The following RASGRP1 variants were observed in gnomAD, a reference collection of about 807,000 sequenced individuals.
The protein encoded by RASGRP1 is RAS guanyl-releasing protein 1.
In RASGRP1, 37 loss-of-function variants were observed where a neutral mutation model predicts 95.1. That is an observed-to-expected ratio of 0.39 (90% CI 0.30 to 0.51). RASGRP1 has a LOEUF of 0.51. Among genes scored for constraint, RASGRP1 ranks in the 20% least tolerant of loss-of-function variants. RASGRP1 has a pLI of 0.80. For missense variants in RASGRP1, 711 were observed against 965.4 expected (o/e 0.74, Z 3.49); for synonymous variants, 325 against 353.4 (o/e 0.92, Z 0.90).
At chr15:38,499,773 G>A (rs1003078280) in intron 14 of RASGRP1, among the ~76,000 whole-genome samples, 1 of 152,224 alleles carries the variant, frequency 6.6e-6, no homozygotes, top group African/African-American at 2.4e-5. Context: ...TGTCATGGGA[G>A]GGACCCAATG....
At chr15:38,503,058 C>T (rs761951604) in intron 11 of RASGRP1, 16 of 578,996 alleles carry the variant, frequency 2.8e-5, no homozygotes, top group Non-Finnish European at 4.6e-5. Flanking sequence ...TTTGCTAGGT[C>T]TTGAAGAGGA....
intron 2 of RASGRP1, 46 bp from the exon 3 acceptor site, chr15:38,526,450 C>T (rs1892224236): frequency 1.4e-6 from 2 of 1,477,924 alleles, no homozygotes; most frequent in African/African-American, 2.8e-5. Context: ...TGGAGGGAAA[C>T]TAGTCACCTG....
chr15:38,497,131 G>C (rs1432942484), intron 15 of RASGRP1, among the ~76,000 whole-genome samples: 2 of 152,116 alleles, frequency 1.3e-5, no homozygotes, highest in African/African-American at 4.8e-5. Flanking sequence ...ATAAGCACTG[G>C]ATTTTTGCTG....
intron 2 of RASGRP1, among the ~76,000 whole-genome samples, chr15:38,535,256 G>A (rs1387426151): frequency 6.6e-6 from 1 of 152,018 alleles, no homozygotes; most frequent in East Asian, 1.9e-4. Flanking sequence ...CCTTCTCCTC[G>A]GGGCTTAGGA....
chr15:38,530,495 A>T (rs997530188), intron 2 of RASGRP1, among the ~76,000 whole-genome samples: 1 of 152,226 alleles, frequency 6.6e-6, no homozygotes, highest in Non-Finnish European at 1.5e-5. Context: ...GCAGCATTTG[A>T]CAATACAGTC....
intron 3 of RASGRP1, among the ~76,000 whole-genome samples, chr15:38,521,759 C>T (rs757590946): frequency 5.7e-4 from 87 of 152,144 alleles, no homozygotes; most frequent in Non-Finnish European, 9.8e-4. Flanking sequence ...ACTTTTCAGG[C>T]ACCTAAACTA....
rs531114694 is a variant in RASGRP1 at position 38,490,353 on chromosome 15, T to C, written c.*201A>G. On this transcript the variant is annotated 3_prime_UTR_variant, in exon 17 of 17. Transcript: ENST00000310803. ...AGCAAAAGTTTTGCATTCTTTAGTTTTCCCCCTTTGAGTCAACTAACTGAA... is the reference window on the plus strand; with the variant it reads ...AGCAAAAGTTTTGCATTCTTTAGTTCTCCCCCTTTGAGTCAACTAACTGAA... The C allele has an allele frequency of 2.2e-6, 1 of 448,608 alleles. No individual in the cohort carries two copies. Among genetic ancestry groups the C allele is most frequent in the African/African-American group, 2.0e-5 (1 of 49,500 alleles). 27.8% of individuals were successfully genotyped at this position (448,608 alleles called of 1,614,324 possible).
chr15:38,536,674 G>C (rs961240599), intron 2 of RASGRP1, among the ~76,000 whole-genome samples: 4 of 152,156 alleles, frequency 2.6e-5, no homozygotes, highest in African/African-American at 9.7e-5. Context: ...CCTCATTCCA[G>C]TGCATGATGG....
chr15:38,506,825 G>T (rs375166769), intron 9 of RASGRP1, among the ~76,000 whole-genome samples: 23 of 152,142 alleles, frequency 1.5e-4, no homozygotes, highest in Middle Eastern at 3.4e-3. Context: ...TGGGAAGAAG[G>T]TTCACAGCTT....
intron 3 of RASGRP1, chr15:38,524,538 C>T (rs1340423171): frequency 6.6e-6 from 1 of 152,026 alleles, no homozygotes; most frequent in East Asian, 1.9e-4. Flanking sequence ...TTCTGGGGGT[C>T]AATGGAAACA....
chr15:38,532,957 A>C (rs1892504836), intron 2 of RASGRP1, among the ~76,000 whole-genome samples: 1 of 152,126 alleles, frequency 6.6e-6, no homozygotes, highest in Non-Finnish European at 1.5e-5. Flanking sequence ...GGTGGGGGCC[A>C]GCTTTCCTAC....
chr15:38,527,201 C>A (rs1595860531), intron 2 of RASGRP1, among the ~76,000 whole-genome samples: 1 of 152,190 alleles, frequency 6.6e-6, no homozygotes, highest in Admixed American at 6.5e-5. Flanking sequence ...TCTGCCAGAT[C>A]TATTCTTTCA....
intron 1 of RASGRP1, among the ~76,000 whole-genome samples, chr15:38,562,922 A>C (rs1437612782): frequency 6.6e-6 from 1 of 152,222 alleles, no homozygotes; most frequent in African/African-American, 2.4e-5. Flanking sequence ...AGAAGGGATC[A>C]GGGTAAAGTA....
rs1322186409 is a variant in RASGRP1, at chr15:38,490,254, G to A, written c.*300C>T. 2.7e-5 allele frequency: 6 copies of A among 224,478 alleles called. No individual in the cohort carries two copies. Among genetic ancestry groups the A allele is most frequent in the Admixed American group, 2.3e-4 (4 of 17,418 alleles). The allele number at this position is 224,478 out of a possible 1,614,324, so 13.9% of individuals were successfully genotyped here. ...GGAAGAATCAGCCAGGCAGGCCACC[G>A]AGATGCCCCATTGTCAGGAAATGAT... On this transcript the variant is annotated 3_prime_UTR_variant, in exon 17 of 17. Coordinates refer to ENST00000310803, the MANE Select transcript of RASGRP1 (RefSeq NM_005739.4).
chr15:38,530,946 A>T (rs977919439), intron 2 of RASGRP1, among the ~76,000 whole-genome samples: 7 of 152,230 alleles, frequency 4.6e-5, no homozygotes, highest in African/African-American at 1.7e-4. Context: ...AAATTATAGG[A>T]AATAGGATTG....
At chr15:38,496,626 A>G (rs559947182) in intron 15 of RASGRP1, among the ~76,000 whole-genome samples, 9 of 152,358 alleles carry the variant, frequency 5.9e-5, no homozygotes, top group African/African-American at 1.9e-4. Flanking sequence ...TTGAACATCA[A>G]ATTCTTAGTT....
intron 16 of RASGRP1, among the ~76,000 whole-genome samples, chr15:38,493,536 C>T (rs1381567486): frequency 6.6e-6 from 1 of 152,152 alleles, no homozygotes; most frequent in Non-Finnish European, 1.5e-5. Context: ...TTTCCAAACT[C>T]TTGGTCTCCT....
chr15:38,552,823 A>G (rs1192398883), intron 2 of RASGRP1, among the ~76,000 whole-genome samples: 2 of 152,230 alleles, frequency 1.3e-5, no homozygotes, highest in Admixed American at 6.5e-5. Flanking sequence ...CCAGCCCAGC[A>G]CACCACTGCT....
At chr15:38,554,629 G>A (rs1377824940) in intron 2 of RASGRP1, among the ~76,000 whole-genome samples, 1 of 152,184 alleles carries the variant, frequency 6.6e-6, no homozygotes, top group Non-Finnish European at 1.5e-5. Flanking sequence ...GCAGACCAGC[G>A]TGGAGAACTG....
Sources: allele counts gnomAD v4.1 joint callset (sites outside exome capture counted in the v4.1 genomes callset), GRCh38; gene constraint gnomAD v4.1.1; transcripts MANE v1.5; gene names NCBI Gene and HGNC (gene_info 2026-07-23, HGNC 2026-07-21).